The following DIPK2B variants were observed in gnomAD, a reference collection of about 807,000 sequenced individuals.
DIPK2B encodes the protein divergent protein kinase domain 2B, also known as UPF0672 protein CXorf36.
Under a neutral mutation model 22.2 loss-of-function variants are expected in DIPK2B, and 15 were observed. That is an observed-to-expected ratio of 0.68 (90% CI 0.45 to 1.04). The LOEUF is 1.04. Among genes scored for constraint, DIPK2B ranks in the 50% least tolerant of loss-of-function variants. DIPK2B has a pLI of 0.00. For missense variants in DIPK2B, 345 were observed against 348.3 expected (o/e 0.99, Z 0.08); for synonymous variants, 163 against 153.2 (o/e 1.06, Z -0.47).
chrX:45,164,398 A>G, intron 2 of DIPK2B: 1 of 594,794 alleles, frequency 1.7e-6, no homozygotes, highest in Non-Finnish European at 2.5e-6. Flanking sequence ...CCAGTTGGGA[A>G]TAAGGACCAG....
chrX:45,178,076 C>T (rs2047128401), intron 2 of DIPK2B, among the ~76,000 whole-genome samples: 2 of 111,463 alleles, frequency 1.8e-5, no homozygotes, highest in Non-Finnish European at 3.8e-5. Flanking sequence ...ATATAAAGTG[C>T]TTTTCTTATC....
At chrX:45,155,961 CTTTTT>C (rs757375184) in intron 3 of DIPK2B, among the ~76,000 whole-genome samples, 2,178 of 55,190 alleles carry the variant, frequency 0.039, 142 homozygotes, top group African/African-American at 0.15. Flanking sequence ...AAGGGGACCT[CTTTTT>C]TTTTTTTTTT....
chrX:45,174,871 T>C (rs1055387698), intron 2 of DIPK2B, among the ~76,000 whole-genome samples: 1 of 111,771 alleles, frequency 8.9e-6, no homozygotes, highest in Non-Finnish European at 1.9e-5. Flanking sequence ...GGGAGTTAAA[T>C]TCAATATGGC....
chrX:45,160,846 T>C (rs753449784), intron 2 of DIPK2B, among the ~76,000 whole-genome samples: 1 of 112,214 alleles, frequency 8.9e-6, no homozygotes, highest in South Asian at 3.7e-4. Context: ...TTTAGGAAAG[T>C]GATTCTGGGT....
chrX:45,182,796 AC>A (rs1284868306), intron 2 of DIPK2B, among the ~76,000 whole-genome samples: 1 of 112,902 alleles, frequency 8.9e-6, no homozygotes, highest in East Asian at 2.8e-4. Context: ...AAGTTCAAAA[AC>A]AGGTAAAACT....
At chrX:45,163,890 CA>C in intron 2 of DIPK2B, 1 of 870,560 alleles carries the variant, frequency 1.1e-6, no homozygotes, top group Middle Eastern at 5.4e-4. Flanking sequence ...AAGTAGATCA[CA>C]GGGGGATCAC....
At chrX:45,200,101 G>A (rs1038514951) in intron 1 of DIPK2B, among the ~76,000 whole-genome samples, 3 of 111,384 alleles carry the variant, frequency 2.7e-5, no homozygotes, top group African/African-American at 9.8e-5. Context: ...TATACAACAC[G>A]ATGTTGTAAG....
chrX:45,171,459 C>T (rs2047080673), intron 2 of DIPK2B, among the ~76,000 whole-genome samples: 1 of 111,361 alleles, frequency 9.0e-6, no homozygotes, highest in Non-Finnish European at 1.9e-5. Flanking sequence ...ATAAGCCTTA[C>T]TGGGGATTCT....
At chrX:45,158,763 T>A (rs1224159356) in intron 2 of DIPK2B, among the ~76,000 whole-genome samples, 11 of 111,912 alleles carry the variant, frequency 9.8e-5, no homozygotes, top group African/African-American at 3.6e-4. Context: ...CCGGTTCCAG[T>A]TTGAAGTGAG....
At chrX:45,179,737 T>C (rs1222311317) in intron 2 of DIPK2B, among the ~76,000 whole-genome samples, 2 of 110,028 alleles carry the variant, frequency 1.8e-5, no homozygotes, top group Admixed American at 9.7e-5. Flanking sequence ...ACTAAGAACA[T>C]AGAGAAAAAA....
At chrX:45,172,356 G>A (rs1329147533) in intron 2 of DIPK2B, among the ~76,000 whole-genome samples, 1 of 111,526 alleles carries the variant, frequency 9.0e-6, no homozygotes, top group Non-Finnish European at 1.9e-5. Flanking sequence ...GTCATGCATG[G>A]TATCTACGTA....
At chrX:45,175,144 T>C (rs941613305) in intron 2 of DIPK2B, among the ~76,000 whole-genome samples, 1 of 111,718 alleles carries the variant, frequency 9.0e-6, no homozygotes, top group Middle Eastern at 4.7e-3. Context: ...CTGTGACAAA[T>C]GTATGTGAAG....
chrX:45,185,834 A>G (rs1472907989), intron 2 of DIPK2B, among the ~76,000 whole-genome samples: 1 of 109,187 alleles, frequency 9.2e-6, no homozygotes, highest in Non-Finnish European at 1.9e-5. Flanking sequence ...TTGTATTTTT[A>G]GTAGAGACAG....
intron 2 of DIPK2B, among the ~76,000 whole-genome samples, chrX:45,162,030 G>A (rs1440367390): frequency 2.7e-5 from 3 of 111,236 alleles, no homozygotes; most frequent in African/African-American, 9.8e-5. Context: ...ACTTAATTCT[G>A]TCTTTGGATG....
In DIPK2B at chrX:45,172,020, A is replaced by C. The variant is rs750316297; in HGVS notation, c.499-14132T>G. Among the ~76,000 whole-genome samples, 4 of 111,815 alleles carry C rather than the reference A, an allele frequency of 3.6e-5. No individual in the cohort carries two copies. In the South Asian group the frequency reaches 1.5e-3, roughly 42 times the overall value. The stretch of plus-strand genomic sequence containing the variant: ...CTGGTGGTCAGTCCAGGAACAGTAC[A>C]TGAGGTAATGTTGGAGGAGCAGGGA... On this transcript the variant is annotated intron_variant, in intron 2 of 4. Coordinates refer to ENST00000398000, the MANE Select transcript of DIPK2B (RefSeq NM_176819.4).
At chrX:45,158,429 C>T (rs1280669140) in intron 2 of DIPK2B, among the ~76,000 whole-genome samples, 1 of 111,685 alleles carries the variant, frequency 9.0e-6, no homozygotes, top group Admixed American at 9.4e-5. Context: ...TGAATTCATT[C>T]CCTGCCATGG....
chrX:45,182,342 C>A (rs750591201), intron 2 of DIPK2B, among the ~76,000 whole-genome samples: 42 of 111,729 alleles, frequency 3.8e-4, no homozygotes, highest in Non-Finnish European at 7.1e-4. Context: ...TCAAACCATA[C>A]AATGATATAC....
chrX:45,164,508 A>G (rs752862698), intron 2 of DIPK2B, among the ~76,000 whole-genome samples: 11 of 111,601 alleles, frequency 9.9e-5, no homozygotes, highest in Non-Finnish European at 1.7e-4. Context: ...ACACAAGAAC[A>G]AAAAAACCAA....
At chrX:45,159,922 T>C (rs907386905) in intron 2 of DIPK2B, among the ~76,000 whole-genome samples, 1 of 111,944 alleles carries the variant, frequency 8.9e-6, no homozygotes, top group Non-Finnish European at 1.9e-5. Flanking sequence ...CAAAACATTT[T>C]TGTGGGACCC....
Sources: allele counts gnomAD v4.1 joint callset (sites outside exome capture counted in the v4.1 genomes callset), GRCh38; gene constraint gnomAD v4.1.1; transcripts MANE v1.5; gene names NCBI Gene and HGNC (gene_info 2026-07-23, HGNC 2026-07-21).